The following CFAP52 variants were observed in gnomAD, a reference collection of about 807,000 sequenced individuals.
The protein encoded by CFAP52 is cilia- and flagella-associated protein 52.
CFAP52 carries 57 observed loss-of-function variants against 70.5 expected under a neutral mutation model. The ratio of observed to expected loss-of-function variants is 0.81; its 90% confidence interval spans 0.65 to 1.01. CFAP52 has a LOEUF of 1.01. Ranked by LOEUF, CFAP52 falls within the 50% of genes least tolerant of loss-of-function variation. The pLI is 0.00. For missense variants in CFAP52, 785 were observed against 788.5 expected (o/e 1.00, Z 0.05); for synonymous variants, 267 against 292.5 (o/e 0.91, Z 0.89).
At chr17:9,606,171 C>T (rs1419001332) in intron 6 of CFAP52, among the ~76,000 whole-genome samples, 1 of 152,044 alleles carries the variant, frequency 6.6e-6, no homozygotes, top group African/African-American at 2.4e-5. Flanking sequence ...TCACTTGAGG[C>T]TGGAGTTTGA....
chr17:9,613,607 T>C (rs113811909), intron 8 of CFAP52, among the ~76,000 whole-genome samples: 2,177 of 152,204 alleles, frequency 0.014, 24 homozygotes, highest in Non-Finnish European at 0.022. Context: ...AACCTCTGCC[T>C]CCTCGATTCA....
Position 9,638,624 on chromosome 17 carries a change from T to G in CFAP52, c.1488T>G (p.Asn496Lys). 6.2e-7 allele frequency: 1 copy of G among 1,614,144 alleles called. No homozygotes were observed. The highest frequency in any genetic ancestry group is 8.5e-7 in the Non-Finnish European group (1 of 1,180,026). ...IIWDLVRLRR[N>K]QMILANTLFQ... ...TACTTTCCAGGCGTCTCAGGAGGAA[T>G]CAGATGATACTAGCCAACACCTTAT... Residue 496 changes from asparagine to lysine, a missense_variant, in exon 12 of 14, where the codon AAT becomes AAG. Coordinates refer to ENST00000352665, the MANE Select transcript of CFAP52 (RefSeq NM_145054.5).
intron 11 of CFAP52, 104 bp from the exon 12 acceptor site, chr17:9,638,504 TA>T: frequency 9.4e-7 from 1 of 1,058,646 alleles, no homozygotes; most frequent in Non-Finnish European, 1.4e-6. Context: ...GGCATGGAGA[TA>T]AACCAACCCA....
Position 9,578,703 on chromosome 17 carries a change from G to A in CFAP52, c.70+1938G>A, listed in dbSNP as rs537601191. Among the ~76,000 whole-genome samples the A allele has an allele frequency of 5.3e-5, 8 of 152,078 alleles. No homozygotes were observed. In the East Asian group the frequency reaches 5.8e-4, roughly 11 times the overall value. Reference sequence around the variant, plus strand: ...TGGGATTATAAGCACCCACCACCACGCCTGGCTAATTTTTGTATTCTTAGT... The same window carrying A: ...TGGGATTATAAGCACCCACCACCACACCTGGCTAATTTTTGTATTCTTAGT... On this transcript the variant is annotated intron_variant, in intron 1 of 13. Transcript: ENST00000352665.
intron 12 of CFAP52, among the ~76,000 whole-genome samples, chr17:9,640,673 AC>A (rs1349703580): frequency 6.6e-6 from 1 of 151,978 alleles, no homozygotes; most frequent in Non-Finnish European, 1.5e-5. Flanking sequence ...TCACTTTGTC[AC>A]CCAGGCTGGA....
chr17:9,585,347 A>G (rs922389828), intron 1 of CFAP52, among the ~76,000 whole-genome samples: 2 of 152,090 alleles, frequency 1.3e-5, no homozygotes, highest in African/African-American at 4.8e-5. Flanking sequence ...CTATTTCCCC[A>G]ACTTCTTTTA....
downstream of CFAP52, chr17:9,645,229 C>G (rs1597802750): frequency 6.5e-6 from 1 of 154,510 alleles, no homozygotes; most frequent in African/African-American, 2.4e-5. The surrounding 1 kb of genome is among the most constrained non-coding windows in gnomAD (Gnocchi z 6.8). Context: ...AGTAGCCAGG[C>G]CTTTACCATT....
intron 11 of CFAP52, among the ~76,000 whole-genome samples, chr17:9,636,165 A>ACT (rs1036514413): frequency 3.4e-5 from 5 of 146,264 alleles, no homozygotes; most frequent in Non-Finnish European, 7.4e-5. Flanking sequence ...CAAGAGTGAA[A>ACT]CTCTGTCTCA....
chr17:9,623,114 A>T (rs190689605), intron 8 of CFAP52, among the ~76,000 whole-genome samples: 25 of 152,240 alleles, frequency 1.6e-4, no homozygotes, highest in Admixed American at 3.9e-4. Flanking sequence ...TGCATATCTT[A>T]AAGCTCTGTT....
At chr17:9,613,125 G>A (rs1263967818) in intron 8 of CFAP52, among the ~76,000 whole-genome samples, 1 of 151,870 alleles carries the variant, frequency 6.6e-6, no homozygotes, top group Non-Finnish European at 1.5e-5. Context: ...AAGACACGAA[G>A]TATCTGTGGT....
At chr17:9,622,385 T>A (rs1316216783) in intron 8 of CFAP52, among the ~76,000 whole-genome samples, 1 of 151,960 alleles carries the variant, frequency 6.6e-6, no homozygotes, top group Non-Finnish European at 1.5e-5. Context: ...CCCTTCCTCA[T>A]CTTTACAAAA....
intron 4 of CFAP52, among the ~76,000 whole-genome samples, chr17:9,595,493 A>G (rs1979287): frequency 0.94 from 142,295 of 152,020 alleles, 67,287 homozygotes; most frequent in East Asian, 1. Context: ...CTGTGGCGAC[A>G]CTCTTCAACT....
chr17:9,598,554 G>T (rs1165345283), intron 5 of CFAP52: 7 of 346,754 alleles, frequency 2.0e-5, no homozygotes, highest in African/African-American at 4.2e-5. Flanking sequence ...TTGAGGTCAT[G>T]AGTTCGAGAC....
chr17:9,623,566 G>T (rs76653197), intron 8 of CFAP52, among the ~76,000 whole-genome samples: 1 of 152,136 alleles, frequency 6.6e-6, no homozygotes, highest in Non-Finnish European at 1.5e-5. Flanking sequence ...TGTCTTGTGT[G>T]CTTACTTATA....
intron 6 of CFAP52, among the ~76,000 whole-genome samples, chr17:9,606,703 G>T (rs1053783635): frequency 1.3e-5 from 2 of 152,134 alleles, no homozygotes; most frequent in Non-Finnish European, 2.9e-5. Context: ...ATGTAGCTTC[G>T]AGGCGCTGTT....
intron 6 of CFAP52, among the ~76,000 whole-genome samples, chr17:9,603,765 C>G (rs1909373731): frequency 6.6e-6 from 1 of 152,272 alleles, no homozygotes; most frequent in South Asian, 2.1e-4. Context: ...CAGCAAACCA[C>G]TATGGCACAT....
intron 13 of CFAP52, among the ~76,000 whole-genome samples, chr17:9,642,052 G>C (rs1911089117): frequency 1.3e-5 from 2 of 152,196 alleles, no homozygotes; most frequent in Admixed American, 6.5e-5. Context: ...AGAGCCTTAA[G>C]AGCACAAATA....
rs140794884 is a variant in CFAP52, at chr17:9,584,311, C to T, written c.71-1462C>T. On this transcript the variant is annotated intron_variant, in intron 1 of 13. Coordinates refer to ENST00000352665, the MANE Select transcript of CFAP52 (RefSeq NM_145054.5). ...GTTACCTTGGCAGATATTTGGAGTA[C>T]GGGAGTTGCCTGTGGAAAGAGGTGT... The T allele has an allele frequency of 1.1e-4, 143 of 1,289,372 alleles. 1 individual carries two copies. The Middle Eastern group carries it at 2.8e-3, about 25-fold the overall frequency. The allele number at this position is 1,289,372 out of a possible 1,614,324, so 79.9% of individuals were successfully genotyped here.
chr17:9,614,724 A>G (rs1279172101), intron 8 of CFAP52, among the ~76,000 whole-genome samples: 1 of 152,216 alleles, frequency 6.6e-6, no homozygotes, highest in East Asian at 1.9e-4. Context: ...TGTGGATGCT[A>G]TTCTGTGCAT....
Sources: gnomAD v4.1 joint callset for allele counts (sites outside exome capture counted in the v4.1 genomes callset) on GRCh38, gnomAD v4.1.1 for gene constraint, Gnocchi (gnomAD v3.1) non-coding constraint, MANE v1.5 for transcripts, NCBI Gene and HGNC (gene_info 2026-07-23, HGNC 2026-07-21) for gene names.